The following PTPRD variants were observed in gnomAD, a reference collection of about 807,000 sequenced individuals.
The protein encoded by PTPRD is protein tyrosine phosphatase receptor type D.
In PTPRD, 34 loss-of-function variants were observed where a neutral mutation model predicts 214.5. That is an observed-to-expected ratio of 0.16 (90% confidence interval 0.12 to 0.21). The LOEUF (loss-of-function observed/expected upper bound fraction) is 0.21. PTPRD is among the 10% of genes least tolerant of loss of function. PTPRD has a pLI of 1.00. For missense variants in PTPRD, 2,545 were observed against 2,398.7 expected, an observed-to-expected ratio of 1.06 and a Z score of -1.27; for synonymous variants, 1,128 against 845.7, an observed-to-expected ratio of 1.33 and a Z score of -5.79.
chr9:8,341,075 A>G lies in PTPRD; in HGVS notation c.5126+15T>C. 6.4e-7 allele frequency: 1 copy of G among 1,568,074 alleles called. No individual in the cohort carries two copies. Among genetic ancestry groups the G allele is most frequent in the South Asian group, 1.2e-5 (1 of 81,650 alleles). On this transcript the variant is annotated intron_variant, in intron 41 of 45. Transcript: ENST00000381196. Reference sequence around the variant, plus strand: ...TATCAAGGCTTTGGATAGTCAGGGGAGCAAAAGTAGATACCTGTATCCATC... The same window carrying G: ...TATCAAGGCTTTGGATAGTCAGGGGGGCAAAAGTAGATACCTGTATCCATC...
intron 4 of PTPRD, among the ~76,000 whole-genome samples, chr9:10,016,156 G>C (rs921092893): frequency 6.6e-6 from 1 of 152,086 alleles, no homozygotes; most frequent in Non-Finnish European, 1.5e-5. Flanking sequence ...ATACAATTTT[G>C]GGAGGTTTGT....
At chr9:9,806,238 T>A (rs1377234437) in intron 5 of PTPRD, among the ~76,000 whole-genome samples, 4 of 151,938 alleles carry the variant, frequency 2.6e-5, no homozygotes, top group African/African-American at 9.7e-5. Flanking sequence ...GTTATCACAC[T>A]GTCTCTCTAA....
At chr9:9,929,249 T>G (rs1180156878) in intron 5 of PTPRD, among the ~76,000 whole-genome samples, 1 of 152,198 alleles carries the variant, frequency 6.6e-6, no homozygotes, top group Non-Finnish European at 1.5e-5. Context: ...ACAATTAAAA[T>G]GCTTATATTC....
intron 10 of PTPRD, among the ~76,000 whole-genome samples, chr9:9,159,306 G>A (rs1000010966): frequency 6.6e-6 from 1 of 152,040 alleles, no homozygotes; most frequent in Non-Finnish European, 1.5e-5. Context: ...AGCAAATAGA[G>A]ACTATCTGCT....
chr9:8,669,310 T>G (rs1448214619), intron 12 of PTPRD, among the ~76,000 whole-genome samples: 1 of 152,128 alleles, frequency 6.6e-6, no homozygotes, highest in African/African-American at 2.4e-5. Flanking sequence ...AAAAGAAGTT[T>G]CTTACCATGT....
At chr9:9,173,296 A>G (rs1049966576) in intron 10 of PTPRD, among the ~76,000 whole-genome samples, 2 of 152,094 alleles carry the variant, frequency 1.3e-5, no homozygotes, top group Non-Finnish European at 2.9e-5. Flanking sequence ...TCTTGTCCTA[A>G]TAGTGCTGAT....
intron 7 of PTPRD, among the ~76,000 whole-genome samples, chr9:9,626,035 T>C (rs1251191750): frequency 6.6e-6 from 1 of 152,194 alleles, no homozygotes; most frequent in Non-Finnish European, 1.5e-5. Context: ...CGAAAGAGCA[T>C]GGTTGAGTTA....
At chr9:9,015,980 G>T (rs1012258725) in intron 11 of PTPRD, among the ~76,000 whole-genome samples, 1 of 152,088 alleles carries the variant, frequency 6.6e-6, no homozygotes, top group African/African-American at 2.4e-5. Flanking sequence ...TCATAGGAAT[G>T]CAGAAGAATT....
intron 33 of PTPRD, 151 bp downstream of exon 33, chr9:8,460,260 T>C (rs1313066625): frequency 8.7e-6 from 8 of 921,044 alleles, no homozygotes; most frequent in Non-Finnish European, 1.0e-5. Flanking sequence ...ATTTTGATCT[T>C]ACTGTAATGT....
chr9:8,320,784 A>C (rs1826591804), intron 44 of PTPRD, among the ~76,000 whole-genome samples: 1 of 152,090 alleles, frequency 6.6e-6, no homozygotes, highest in Non-Finnish European at 1.5e-5. Flanking sequence ...ATAACTCCAG[A>C]ATCTTCACGG....
At chr9:9,291,013 A>G (rs1257710008) in intron 9 of PTPRD, among the ~76,000 whole-genome samples, 1 of 151,474 alleles carries the variant, frequency 6.6e-6, no homozygotes, top group African/African-American at 2.4e-5. Flanking sequence ...AGATATCTCA[A>G]TATCATATGC....
chr9:8,491,323 T>C (rs2097144683), intron 27 of PTPRD, among the ~76,000 whole-genome samples: 1 of 152,194 alleles, frequency 6.6e-6, no homozygotes, highest in African/African-American at 2.4e-5. Context: ...AGGGATGAGC[T>C]AGCCTTAGTG....
At chr9:9,221,628 C>A (rs1482710741) in intron 9 of PTPRD, among the ~76,000 whole-genome samples, 5 of 152,010 alleles carry the variant, frequency 3.3e-5, no homozygotes, top group Middle Eastern at 3.4e-3. Flanking sequence ...TTCATAAGGA[C>A]CCCAATCTGT....
At chr9:8,329,690 G>GCTGTCTT (rs1554693028) in intron 44 of PTPRD, among the ~76,000 whole-genome samples, 2 of 152,170 alleles carry the variant, frequency 1.3e-5, no homozygotes, top group Admixed American at 1.3e-4. Context: ...GATTGGGGCT[G>GCTGTCTT]CTGTCTTTCT....
At chr9:9,075,793 C>T (rs1052259189) in intron 10 of PTPRD, among the ~76,000 whole-genome samples, 8 of 152,164 alleles carry the variant, frequency 5.3e-5, no homozygotes, top group Non-Finnish European at 1.0e-4. Context: ...GCCACATTTT[C>T]TTAATTCAGT....
chr9:10,490,289 T>C (rs2039769207), intron 2 of PTPRD, among the ~76,000 whole-genome samples: 1 of 152,198 alleles, frequency 6.6e-6, no homozygotes, highest in Admixed American at 6.6e-5. Flanking sequence ...AAAGAGTATT[T>C]ATTTTATATT....
chr9:8,747,843 A>G (rs916990925), intron 11 of PTPRD, among the ~76,000 whole-genome samples: 1 of 152,200 alleles, frequency 6.6e-6, no homozygotes. Flanking sequence ...TATCAAGCAG[A>G]TAGTCAGGGC....
chr9:10,111,358 C>G (rs1429703708), intron 3 of PTPRD, among the ~76,000 whole-genome samples: 2 of 145,780 alleles, frequency 1.4e-5, no homozygotes, highest in African/African-American at 5.1e-5. Context: ...CCTGCCTCAG[C>G]CTCCCAAGTA....
chr9:8,974,097 G>C (rs533276500), intron 11 of PTPRD, among the ~76,000 whole-genome samples: 2 of 152,006 alleles, frequency 1.3e-5, no homozygotes, highest in South Asian at 4.2e-4. Flanking sequence ...ATTACTTTTG[G>C]GGACTTGTCC....
Sources: gnomAD v4.1 joint callset for allele counts (sites outside exome capture counted in the v4.1 genomes callset) on GRCh38, gnomAD v4.1.1 for gene constraint, MANE v1.5 for transcripts, NCBI Gene and HGNC (gene_info 2026-07-23, HGNC 2026-07-21) for gene names.